The following UGT2B11 variants were observed in gnomAD, a reference collection of about 807,000 sequenced individuals.
UGT2B11 encodes UDP-glucuronosyltransferase 2B11.
A neutral mutation model predicts 51.7 loss-of-function variants in UGT2B11; 49 were observed. The ratio of observed to expected loss-of-function variants is 0.95; its 90% CI spans 0.75 to 1.20. The LOEUF is 1.20. Among genes scored for constraint, UGT2B11 ranks in the 50% most tolerant of loss-of-function variants. The pLI is 0.00. For missense variants in UGT2B11, 810 were observed against 622.1 expected, an observed-to-expected ratio of 1.30 and a Z score of -3.21; for synonymous variants, 273 against 209.0, an observed-to-expected ratio of 1.31 and a Z score of -2.64.
the UGT2B11 span, among the ~76,000 whole-genome samples, chr4:69,224,156 A>G: frequency 9.8e-5 from 15 of 152,318 alleles, no homozygotes; most frequent in Non-Finnish European, 1.8e-4. Flanking sequence ...TTTTAAATAG[A>G]GAATCTTCAT....
At chr4:69,212,749 G>A in intron 1 of UGT2B11, 28 bp from the exon 2 acceptor site, 3 of 1,589,194 alleles carry the variant, frequency 1.9e-6, no homozygotes, top group Non-Finnish European at 2.6e-6. Flanking sequence ...AAGAAAAAGT[G>A]GATGATGTAA....
chr4:69,205,066 G>A (rs1159420724), intron 4 of UGT2B11, among the ~76,000 whole-genome samples: 3 of 151,620 alleles, frequency 2.0e-5, no homozygotes, highest in African/African-American at 7.3e-5. Flanking sequence ...CATGAAATGT[G>A]TCGTTACTTT....
chr4:69,214,632 C>T lies in UGT2B11; in HGVS notation c.91G>A (p.Ala31Thr), dbSNP rs750052553. ...ATATTCATCCAATGGCTGTATTCTGCGGCCCACACCAGCACTTTTCCACAA... is the reference window on the plus strand; with the variant it reads ...ATATTCATCCAATGGCTGTATTCTGTGGCCCACACCAGCACTTTTCCACAA... ...GSCGKVLVWA[A>T]EYSHWMNMKT... Residue 31 changes from alanine (A) to threonine (T), a missense_variant, in exon 1 of 6, where the codon GCA (alanine) becomes ACA (threonine). Transcript: ENST00000446444. 100 of 1,613,130 alleles carry T rather than the reference C, an allele frequency of 6.2e-5. No individual in the cohort carries two copies. Among genetic ancestry groups the T allele is most frequent in the South Asian group, 2.7e-4 (25 of 91,042 alleles).
intron 5 of UGT2B11, among the ~76,000 whole-genome samples, chr4:69,202,335 A>G (rs1379750410): frequency 6.6e-6 from 1 of 151,726 alleles, no homozygotes; most frequent in Non-Finnish European, 1.5e-5. Flanking sequence ...CAAACTTATG[A>G]TTTACTTCTT....
At position 69,214,700 on chromosome 4, in the gene UGT2B11, A is replaced by G. The variant is rs749663754; in HGVS notation, c.23T>C (p.Val8Ala). Residue 8 changes from valine to alanine, a missense_variant, in exon 1 of 6, where the codon GTT becomes GCT. By Grantham distance (64) the Val-to-Ala change is moderately conservative. Coordinates refer to ENST00000446444, the MANE Select transcript of UGT2B11 (RefSeq NM_001073.3). ...ACAACTGAGATGTATCAGCAGAAGA[A>G]CTGAAGTCCATTTCAGAGTCATCCT... MTLKWTS[V>A]LLLIHLSCYF... The G allele has an allele frequency of 6.2e-6, 10 of 1,612,558 alleles. No homozygotes were observed. The East Asian group carries it at 2.0e-4, about 32-fold the overall frequency.
the UGT2B11 span, among the ~76,000 whole-genome samples, chr4:69,222,791 C>T: frequency 6.6e-6 from 1 of 152,136 alleles, no homozygotes; most frequent in Non-Finnish European, 1.5e-5. Flanking sequence ...GAGAAGGGGG[C>T]ATGCACATGA....
chr4:69,216,383 A>C (rs183845980), upstream of UGT2B11: 2 of 152,066 alleles, frequency 1.3e-5, no homozygotes, highest in Non-Finnish European at 2.9e-5. Flanking sequence ...ATAAATATGA[A>C]ATCAAGTTCC....
At chr4:69,211,365 TG>T (rs1202925131) in intron 2 of UGT2B11, among the ~76,000 whole-genome samples, 1 of 151,518 alleles carries the variant, frequency 6.6e-6, no homozygotes, top group Non-Finnish European at 1.5e-5. Flanking sequence ...CTGTCACAAT[TG>T]GTATGTATAA....
intron 2 of UGT2B11, chr4:69,211,293 A>G (rs1722053289): frequency 6.6e-6 from 1 of 151,586 alleles, no homozygotes; most frequent in East Asian, 1.9e-4. Context: ...TTTAAGCTGG[A>G]ATACTGGTGA....
intron 2 of UGT2B11, among the ~76,000 whole-genome samples, chr4:69,210,446 C>T (rs757458989): frequency 1.1e-4 from 16 of 151,428 alleles, no homozygotes; most frequent in Non-Finnish European, 2.1e-4. Flanking sequence ...AAGAATGCAA[C>T]CTGGGTTAGC....
chr4:69,213,425 C>T (rs567015363), intron 1 of UGT2B11, among the ~76,000 whole-genome samples: 2 of 151,812 alleles, frequency 1.3e-5, no homozygotes, highest in Non-Finnish European at 3.0e-5. Flanking sequence ...ACTTCAAATG[C>T]ATGATTTCCA....
chr4:69,221,372 G>T, the UGT2B11 span, among the ~76,000 whole-genome samples: 15 of 152,122 alleles, frequency 9.9e-5, no homozygotes, highest in African/African-American at 3.1e-4. Context: ...CAGGCCTTTA[G>T]GGATATTGCC....
At chr4:69,204,380 A>T in intron 5 of UGT2B11, 50 bp downstream of exon 5, 1 of 1,606,058 alleles carries the variant, frequency 6.2e-7, no homozygotes, top group Non-Finnish European at 8.5e-7. Flanking sequence ...ACTATTGACA[A>T]GAGAAGCTGT....
rs1274847230 is a variant in UGT2B11 at position 69,214,639 on chromosome 4, C to A, written c.84G>T (p.Val28=). 1 of 1,613,184 alleles carries A rather than the reference C, an allele frequency of 6.2e-7. No homozygotes were observed. Among genetic ancestry groups the A allele is most frequent in the African/African-American group, 1.3e-5 (1 of 74,964 alleles). ...TCCAATGGCTGTATTCTGCGGCCCA[C>A]ACCAGCACTTTTCCACAACTCCCAG... ...FSSGSCGKVL[V]WAAEYSHWMN... The change falls in exon 1 of 6, where the codon GTG becomes GTT. Residue 28 remains valine (V), a synonymous_variant. Transcript: ENST00000446444.
At chr4:69,221,503 G>C in the UGT2B11 span, among the ~76,000 whole-genome samples, 646 of 152,320 alleles carry the variant, frequency 4.2e-3, 3 homozygotes, top group African/African-American at 0.015. Flanking sequence ...TCAAGTAGGG[G>C]ACAACAAATG....
rs1459033250 is a variant in UGT2B11 at position 69,205,494 on chromosome 4, T to G, written c.1076A>C (p.Gln359Pro). 3.1e-6 allele frequency: 5 copies of G among 1,610,706 alleles called. No homozygotes were observed. The highest frequency in any genetic ancestry group is 4.2e-6 in the Non-Finnish European group (5 of 1,177,866). The part of the protein sequence containing the change: ...LNTRLYKWIP[Q>P]NDLLGHPKTR... ...CAGAGTGTTACCTAGAAGGTCATTC[T>G]GGGGTATCCACTTGTACAGCCGAGT... Residue 359 changes from glutamine to proline, a missense_variant, in exon 4 of 6, where the codon CAG (glutamine) becomes CCG (proline). Transcript: ENST00000446444.
chr4:69,224,305 C>A, the UGT2B11 span, among the ~76,000 whole-genome samples: 1 of 152,142 alleles, frequency 6.6e-6, no homozygotes, highest in African/African-American at 2.4e-5. Context: ...TTTGGAGGGG[C>A]CATGGTCTCA....
At chr4:69,218,005 G>T (rs150414153), upstream of UGT2B11, among the ~76,000 whole-genome samples, 21,800 of 152,032 alleles carry the variant, frequency 0.14, 1,800 homozygotes, top group Middle Eastern at 0.2. Flanking sequence ...CCTCCTAAAA[G>T]GTTCTGTCTG....
intron 2 of UGT2B11, among the ~76,000 whole-genome samples, chr4:69,209,419 C>A (rs1026982047): frequency 2.6e-5 from 4 of 151,828 alleles, no homozygotes; most frequent in Admixed American, 6.6e-5. Context: ...GTAGCTCACA[C>A]ACACCACATT....
Sources: allele counts gnomAD v4.1 joint callset (sites outside exome capture counted in the v4.1 genomes callset), GRCh38; gene constraint gnomAD v4.1.1; transcripts MANE v1.5; gene names NCBI Gene and HGNC (gene_info 2026-07-23, HGNC 2026-07-21).